NDUFAF6: variants seen among roughly 807,000 people sequenced by gnomAD.
The protein encoded by NDUFAF6 is NADH dehydrogenase (ubiquinone) complex I, assembly factor 6.
NDUFAF6 carries 45 observed loss-of-function variants against 40.8 expected under a neutral mutation model. That is an observed-to-expected ratio of 1.10 (90% confidence interval 0.87 to 1.42). The LOEUF (loss-of-function observed/expected upper bound fraction) is 1.42, where lower values mean the gene tolerates loss of function less well. Ranked by LOEUF, NDUFAF6 falls within the 40% of genes most tolerant of loss-of-function variation. The pLI is 0.00. For synonymous variants in NDUFAF6, 185 were observed against 155.9 expected (o/e 1.19, Z -1.39); for missense variants, 435 against 418.5 (o/e 1.04, Z -0.34).
At chr8:94,897,217 C>T (rs1457491876) in intron 1 of NDUFAF6, among the ~76,000 whole-genome samples, 2 of 152,138 alleles carry the variant, frequency 1.3e-5, no homozygotes, top group Admixed American at 6.5e-5. Context: ...TGAATGTATG[C>T]TCAGTACTGA....
intron 2 of NDUFAF6, among the ~76,000 whole-genome samples, chr8:94,982,311 A>G (rs1825513754): frequency 6.6e-6 from 1 of 152,146 alleles, no homozygotes; most frequent in Non-Finnish European, 1.5e-5. Flanking sequence ...ATTGCCTACA[A>G]TATTCAGTAC....
rs780958386 is a variant in NDUFAF6 at position 95,032,038 on chromosome 8, G to T, written c.241G>T (p.Ala81Ser). 4 of 1,614,162 alleles carry T rather than the reference G, an allele frequency of 2.5e-6. No individual in the cohort carries two copies. The South Asian group carries it at 3.3e-5, about 13-fold the overall frequency. ...TTATTTATGCTCCCTGCTGCTCCCTGCAGAATCCCGAAGCTCTGTTTTTGC... is the reference window on the plus strand; with the variant it reads ...TTATTTATGCTCCCTGCTGCTCCCTTCAGAATCCCGAAGCTCTGTTTTTGC... ...EGYLCSLLLP[A>S]ESRSSVFALR... is the part of the protein sequence containing the mutation. Residue 81 changes from alanine to serine, a missense_variant, in exon 2 of 9, where the codon GCA (alanine) becomes TCA (serine). By Grantham distance (99) the Ala-to-Ser change is moderately conservative. Transcript: ENST00000396124.
At chr8:95,033,891 T>C in intron 2 of NDUFAF6, 1 of 392,722 alleles carries the variant, frequency 2.5e-6, no homozygotes, top group South Asian at 1.8e-5. Context: ...TAGGGGCACC[T>C]GGGTCAGAAA....
intron 9 of NDUFAF6, among the ~76,000 whole-genome samples, chr8:95,063,795 T>C (rs1480702201): frequency 6.6e-6 from 1 of 152,104 alleles, no homozygotes; most frequent in Non-Finnish European, 1.5e-5. Flanking sequence ...ATCTCTTTTA[T>C]GGGTGTCACA....
intron 2 of NDUFAF6, among the ~76,000 whole-genome samples, chr8:94,992,785 T>C (rs1826253448): frequency 6.6e-6 from 1 of 152,232 alleles, no homozygotes; most frequent in Non-Finnish European, 1.5e-5. Context: ...TCTGATCCTT[T>C]ACCATCTTCT....
chr8:94,962,609 G>GTT lies in NDUFAF6; in HGVS notation c.-199+4435_-199+4436dup, dbSNP rs375083573. Among the ~76,000 whole-genome samples the GTT allele has an allele frequency of 2.3e-3, 104 of 45,776 alleles. 1 individual carries two copies. Among genetic ancestry groups the GTT allele is most frequent in the African/African-American group, 3.1e-3 (48 of 15,298 alleles). The allele number at this position is 45,776 out of a possible 152,430, so 30.0% of individuals were successfully genotyped here. A position where few individuals can be genotyped will look rare whatever the true frequency, so the allele number is the denominator to read the frequency against. On this transcript the variant is annotated intron_variant, in intron 1 of 9. Coordinates refer to the NDUFAF6 transcript ENST00000396111. ...CACCTAGCCCAGACTTCTGTTTTTT[G>GTT]TTTTTTGTTTTTTTTTTTTTTGAGA... is the stretch of plus-strand genomic sequence containing the variant.
chr8:95,103,684 C>T (rs976452576), downstream of NDUFAF6, among the ~76,000 whole-genome samples: 1 of 152,182 alleles, frequency 6.6e-6, no homozygotes, highest in African/African-American at 2.4e-5. Context: ...CAGTGACTTT[C>T]TTTGGAGATA....
In NDUFAF6 at chr8:95,058,103, A is replaced by G; in HGVS notation, c.*166A>G. 6.9e-7 allele frequency: 1 copy of G among 1,450,496 alleles called. No individual in the cohort carries two copies. The highest frequency in any genetic ancestry group is 9.0e-7 in the Non-Finnish European group (1 of 1,112,030). 89.9% of individuals were successfully genotyped at this position (1,450,496 alleles called of 1,614,324 possible). On this transcript the variant is annotated 3_prime_UTR_variant, in exon 9 of 9. Coordinates refer to ENST00000396124, the MANE Select transcript of NDUFAF6 (RefSeq NM_152416.4). The stretch of plus-strand genomic sequence containing the variant: ...AAGTTGCCGTGGGACTAGGGTGCCA[A>G]GACTGCTGAGATTCTGGCAGAGGCA...
intron 2 of NDUFAF6, among the ~76,000 whole-genome samples, chr8:94,998,247 C>G (rs1826546280): frequency 6.6e-6 from 1 of 152,106 alleles, no homozygotes; most frequent in Non-Finnish European, 1.5e-5. Context: ...ATGACAGATG[C>G]CCCGTGCACA....
intron 1 of NDUFAF6, among the ~76,000 whole-genome samples, chr8:94,901,783 C>T (rs1302312135): frequency 6.6e-6 from 1 of 152,088 alleles, no homozygotes; most frequent in African/African-American, 2.4e-5. Flanking sequence ...CAGGGTTTCG[C>T]CATGTTGGCC....
upstream of NDUFAF6, among the ~76,000 whole-genome samples, chr8:95,020,462 T>C (rs1827645989): frequency 1.3e-5 from 2 of 152,208 alleles, no homozygotes; most frequent in Non-Finnish European, 2.9e-5. Context: ...TGGTGCCTTG[T>C]TATAAATGAG....
chr8:95,096,583 T>A (rs1299439799), upstream of NDUFAF6, among the ~76,000 whole-genome samples: 2 of 152,194 alleles, frequency 1.3e-5, no homozygotes, highest in Admixed American at 6.5e-5. Flanking sequence ...CTTCTCATTT[T>A]ATGGATGTAA....
chr8:94,994,277 G>A (rs552392139), intron 2 of NDUFAF6, among the ~76,000 whole-genome samples: 86 of 152,240 alleles, frequency 5.6e-4, no homozygotes, highest in African/African-American at 1.3e-3. Context: ...TGGTCTGGGC[G>A]CGGTGGCTCA....
At chr8:95,015,094 C>T (rs1242489827) in intron 2 of NDUFAF6, among the ~76,000 whole-genome samples, 1 of 152,196 alleles carries the variant, frequency 6.6e-6, no homozygotes, top group African/African-American at 2.4e-5. Context: ...ACAGGTTGGA[C>T]TGTCTGGATG....
chr8:95,098,873 G>A (rs1469951079), upstream of NDUFAF6, among the ~76,000 whole-genome samples: 1 of 152,038 alleles, frequency 6.6e-6, no homozygotes, highest in Non-Finnish European at 1.5e-5. Flanking sequence ...AGTGCGCCAA[G>A]ATCGCCCCAC....
At chr8:94,948,658 G>T (rs896852) in intron 2 of NDUFAF6, among the ~76,000 whole-genome samples, 69,928 of 151,900 alleles carry the variant, frequency 0.46, 17,066 homozygotes, top group East Asian at 0.72. Context: ...AAGCCCAAGC[G>T]CCGCTGTCTT....
At chr8:95,083,113 T>G (rs1808931588) in intron 2 of NDUFAF6, among the ~76,000 whole-genome samples, 1 of 152,240 alleles carries the variant, frequency 6.6e-6, no homozygotes, top group African/African-American at 2.4e-5. Flanking sequence ...GGGTTTTATC[T>G]GTCTTTGTTT....
At chr8:94,908,723 C>T (rs1666115528) in intron 1 of NDUFAF6, among the ~76,000 whole-genome samples, 1 of 152,136 alleles carries the variant, frequency 6.6e-6, no homozygotes, top group South Asian at 2.1e-4. Context: ...TCACAGGTAT[C>T]CCCTTACTTG....
At chr8:94,912,513 T>C (rs1223865953) in intron 1 of NDUFAF6, among the ~76,000 whole-genome samples, 3 of 151,982 alleles carry the variant, frequency 2.0e-5, no homozygotes, top group Admixed American at 2.0e-4. Flanking sequence ...AATAAACCAG[T>C]AGACTGGGTG....
Sources: allele counts gnomAD v4.1 joint callset (sites outside exome capture counted in the v4.1 genomes callset), GRCh38; gene constraint gnomAD v4.1.1; transcripts MANE v1.5; gene names NCBI Gene and HGNC (gene_info 2026-07-23, HGNC 2026-07-21).